Variants in NKAIN3 observed in about 807,000 individuals in gnomAD.
NKAIN3 encodes sodium/potassium transporting ATPase interacting 3.
In NKAIN3, 25 loss-of-function variants were observed where a neutral mutation model predicts 30.2. That is an observed-to-expected ratio of 0.83 (90% confidence interval 0.60 to 1.16). NKAIN3 has a LOEUF of 1.16. NKAIN3 is among the 50% of genes most tolerant of loss of function. The pLI is 0.00. For missense variants in NKAIN3, 225 were observed against 254.1 expected (o/e 0.89, Z 0.78); for synonymous variants, 91 against 89.6 (o/e 1.02, Z -0.09).
chr8:62,351,000 C>A (rs1816162495), intron 1 of NKAIN3, among the ~76,000 whole-genome samples: 1 of 151,648 alleles, frequency 6.6e-6, no homozygotes, highest in Admixed American at 6.6e-5. Flanking sequence ...GAGTAATGAG[C>A]TTTTCACCAC....
chr8:62,481,458 C>T (rs1011210904), intron 1 of NKAIN3, among the ~76,000 whole-genome samples: 38 of 152,086 alleles, frequency 2.5e-4, no homozygotes, highest in African/African-American at 9.2e-4. Flanking sequence ...CTTACCATGT[C>T]ATACATTAAC....
intron 6 of NKAIN3, among the ~76,000 whole-genome samples, chr8:62,964,687 G>A (rs955651414): frequency 6.6e-6 from 1 of 151,868 alleles, no homozygotes; most frequent in African/African-American, 2.4e-5. Flanking sequence ...TAACTCAAGA[G>A]ACCTCAGTCC....
At chr8:62,872,025 C>G (rs1050452024) in intron 4 of NKAIN3, among the ~76,000 whole-genome samples, 1 of 152,176 alleles carries the variant, frequency 6.6e-6, no homozygotes, top group South Asian at 2.1e-4. Context: ...CTATATTTTA[C>G]TTTTCTATGT....
intron 1 of NKAIN3, among the ~76,000 whole-genome samples, chr8:62,419,200 T>C (rs1804555195): frequency 6.6e-6 from 1 of 152,204 alleles, no homozygotes. Flanking sequence ...GCTTATACTT[T>C]AACTGAGATT....
At chr8:62,740,019 C>T (rs574064820) in intron 3 of NKAIN3, among the ~76,000 whole-genome samples, 1 of 152,050 alleles carries the variant, frequency 6.6e-6, no homozygotes, top group South Asian at 2.1e-4. Flanking sequence ...AGAAAAATAT[C>T]ATATAATTTT....
chr8:62,748,987 G>A (rs12543703), intron 4 of NKAIN3, among the ~76,000 whole-genome samples: 86,024 of 151,668 alleles, frequency 0.57, 25,566 homozygotes, highest in Non-Finnish European at 0.67. Context: ...AAATGTGGAG[G>A]CAAATTTTCT....
chr8:62,269,890 A>G (rs951449828), intron 1 of NKAIN3, among the ~76,000 whole-genome samples: 5 of 152,150 alleles, frequency 3.3e-5, no homozygotes, highest in Non-Finnish European at 7.4e-5. Context: ...AAAACAAAAC[A>G]TGGGGTATAA....
intron 4 of NKAIN3, among the ~76,000 whole-genome samples, chr8:62,822,798 A>C (rs557648658): frequency 9.3e-4 from 142 of 152,304 alleles, no homozygotes; most frequent in African/African-American, 3.4e-3. Flanking sequence ...TGAGAAGTGC[A>C]TTCTTAGGCA....
chr8:62,798,996 G>A (rs949278086), intron 4 of NKAIN3, among the ~76,000 whole-genome samples: 1 of 152,076 alleles, frequency 6.6e-6, no homozygotes, highest in Admixed American at 6.6e-5. Flanking sequence ...CAGGACCAAG[G>A]TGTCCATCAA....
intron 1 of NKAIN3, among the ~76,000 whole-genome samples, chr8:62,448,048 T>G (rs1805537577): frequency 2.0e-5 from 3 of 151,962 alleles, no homozygotes; most frequent in Non-Finnish European, 4.4e-5. Context: ...AAAGCTAGGT[T>G]GGATTTAAGT....
At chr8:62,718,856 T>C (rs1490896046) in intron 3 of NKAIN3, among the ~76,000 whole-genome samples, 1 of 152,222 alleles carries the variant, frequency 6.6e-6, no homozygotes, top group African/African-American at 2.4e-5. Flanking sequence ...TCATTTTATT[T>C]TAAAGTATAC....
chr8:62,915,584 C>T (rs563762107), intron 4 of NKAIN3, among the ~76,000 whole-genome samples: 2 of 152,152 alleles, frequency 1.3e-5, no homozygotes, highest in South Asian at 4.1e-4. Context: ...AAGTTTGCAG[C>T]AATCTCTTAC....
intron 3 of NKAIN3, among the ~76,000 whole-genome samples, chr8:62,610,637 T>C (rs773322514): frequency 2.6e-5 from 4 of 152,144 alleles, no homozygotes; most frequent in Non-Finnish European, 4.4e-5. Context: ...GTGCAGAGTA[T>C]ACTTTTGATG....
chr8:62,380,099 A>G (rs1331209747), intron 1 of NKAIN3, among the ~76,000 whole-genome samples: 1 of 152,208 alleles, frequency 6.6e-6, no homozygotes, highest in Non-Finnish European at 1.5e-5. Flanking sequence ...GTACTTTAAC[A>G]TGTATTGTAT....
intron 1 of NKAIN3, among the ~76,000 whole-genome samples, chr8:62,459,631 A>G (rs891519667): frequency 1.3e-5 from 2 of 152,212 alleles, no homozygotes; most frequent in Non-Finnish European, 2.9e-5. Context: ...TTGGTAAGGG[A>G]AATGTTACTT....
At chr8:62,833,798 G>A (rs1267781805) in intron 4 of NKAIN3, among the ~76,000 whole-genome samples, 1 of 151,856 alleles carries the variant, frequency 6.6e-6, no homozygotes, top group East Asian at 1.9e-4. Context: ...AAATTGAGGG[G>A]GAGGGACTCC....
rs530419537 is a variant in NKAIN3 at position 62,969,271 on chromosome 8, T to A, written c.*3864T>A. ...CTAACAAAATATACCAAGGCTGTCA[T>A]CTGTCTCACTTAATGAATGGGAAAC... On this transcript the variant is annotated 3_prime_UTR_variant, in exon 7 of 7. Transcript: ENST00000623646. Among the ~76,000 whole-genome samples, 1 of 152,350 alleles carries A rather than the reference T, an allele frequency of 6.6e-6. No homozygotes were observed. Among genetic ancestry groups the A allele is most frequent in the Non-Finnish European group, 1.5e-5 (1 of 68,032 alleles).
chr8:62,937,829 G>T (rs1199385343), intron 5 of NKAIN3, among the ~76,000 whole-genome samples: 1 of 152,066 alleles, frequency 6.6e-6, no homozygotes, highest in African/African-American at 2.4e-5. Context: ...TTGCTTACTG[G>T]TTGCGTGGAA....
intron 3 of NKAIN3, among the ~76,000 whole-genome samples, chr8:62,730,366 A>G (rs191506890): frequency 1.8e-3 from 280 of 152,186 alleles, no homozygotes; most frequent in African/African-American, 6.5e-3. Context: ...ATTAAATGTA[A>G]ATATGTTAAT....
Sources: gnomAD v4.1 joint callset for allele counts (sites outside exome capture counted in the v4.1 genomes callset) on GRCh38, gnomAD v4.1.1 for gene constraint, MANE v1.5 for transcripts, NCBI Gene and HGNC (gene_info 2026-07-23, HGNC 2026-07-21) for gene names.